Variants in TMEM165 observed in about 807,000 individuals in gnomAD.
TMEM165 encodes the protein transmembrane protein 165.
Under a neutral mutation model 30.0 loss-of-function variants are expected in TMEM165, and 19 were observed. The observed-to-expected ratio is 0.63, with a 90% CI of 0.44 to 0.93. The LOEUF (loss-of-function observed/expected upper bound fraction) is 0.93, where lower values mean the gene tolerates loss of function less well. TMEM165 is among the 40% of genes least tolerant of loss of function. TMEM165 has a pLI of 0.00. For synonymous variants in TMEM165, 168 were observed against 162.9 expected, an observed-to-expected ratio of 1.03 and a Z score of -0.24; for missense variants, 340 against 417.0, an observed-to-expected ratio of 0.82 and a Z score of 1.61.
At chr4:55,448,819 G>A in intron 3 of TMEM165, 1 of 1,613,988 alleles carries the variant, frequency 6.2e-7, no homozygotes, top group Admixed American at 1.7e-5. Context: ...TGTAGCTTGA[G>A]ACATCACTGG....
chr4:55,407,909 T>C (rs1721335034), intron 1 of TMEM165, among the ~76,000 whole-genome samples: 1 of 152,234 alleles, frequency 6.6e-6, no homozygotes, highest in South Asian at 2.1e-4. Flanking sequence ...GTAGCCCTTA[T>C]GTTACAGATG....
At chr4:55,427,059 A>AGT (rs376100433), downstream of TMEM165, among the ~76,000 whole-genome samples, 60 of 132,200 alleles carry the variant, frequency 4.5e-4, no homozygotes, top group African/African-American at 1.5e-3. Context: ...TTTTTGAGAG[A>AGT]GTCTCACTCT....
chr4:55,407,065 G>C (rs767979584), intron 1 of TMEM165, among the ~76,000 whole-genome samples: 1 of 152,202 alleles, frequency 6.6e-6, no homozygotes, highest in Non-Finnish European at 1.5e-5. Flanking sequence ...ACTTTTTTCT[G>C]TAATAGGCCT....
At chr4:55,448,599 CGCGTGTGTGTGT>C (rs71194566) in intron 3 of TMEM165, among the ~76,000 whole-genome samples, 6,054 of 105,620 alleles carry the variant, frequency 0.057, 182 homozygotes, top group Middle Eastern at 0.083. Flanking sequence ...CGCGCACGCG[CGCGTGTGTGTGT>C]GTGTGTGTGT....
chr4:55,435,734 A>G, intron 3 of TMEM165: 6 of 876,484 alleles, frequency 6.8e-6, no homozygotes, highest in Non-Finnish European at 5.5e-6. Context: ...TCTCTGGTTT[A>G]AAAATTCTAA....
At chr4:55,449,984 A>C (rs1302322847) in intron 3 of TMEM165, 14 of 1,360,258 alleles carry the variant, frequency 1.0e-5, no homozygotes. Flanking sequence ...CAGAAATGTA[A>C]AAACTTATAA....
chr4:55,418,073 C>A (rs1348723179), intron 4 of TMEM165, 88 bp downstream of exon 4: 6 of 1,221,758 alleles, frequency 4.9e-6, no homozygotes, highest in Non-Finnish European at 1.1e-6. Context: ...CTGAAGTGGG[C>A]CACAGCATTC....
chr4:55,448,599 CGCGTGTGTGTGTGTGTGT>C (rs759472540), intron 3 of TMEM165, among the ~76,000 whole-genome samples: 34 of 105,666 alleles, frequency 3.2e-4, no homozygotes, highest in African/African-American at 1.1e-3. Flanking sequence ...CGCGCACGCG[CGCGTGTGTGTGTGTGTGT>C]GTGTGTGTGT....
chr4:55,436,434 CTGTTCATTAA>C (rs1381459094), intron 3 of TMEM165, among the ~76,000 whole-genome samples: 1 of 152,146 alleles, frequency 6.6e-6, no homozygotes, highest in African/African-American at 2.4e-5. Flanking sequence ...TTCTGACATG[CTGTTCATTAA>C]TGTAAAACTC....
Position 55,417,208 on chromosome 4 carries a change from G to A in TMEM165, c.570G>A (p.Leu190=), listed in dbSNP as rs1273858763. The part of the protein sequence containing the change: ...KMSPDEGQEE[L]EEVQAELKKK... ...GCCCTGATGAGGGTCAAGAGGAACT[G>A]GAAGAAGTTCAAGCTGAATTAAAGA... is the stretch of plus-strand genomic sequence containing the variant. Residue 190 remains leucine (L), a synonymous_variant, in exon 3 of 6, where the codon CTG becomes CTA. Coordinates refer to ENST00000381334, the MANE Select transcript of TMEM165 (RefSeq NM_018475.5). 21 of 1,612,794 alleles carry A rather than the reference G, an allele frequency of 1.3e-5. No individual in the cohort carries two copies. The highest frequency in any genetic ancestry group is 1.8e-5 in the Non-Finnish European group (21 of 1,179,792).
chr4:55,404,051 T>A (rs1337881931), intron 1 of TMEM165, among the ~76,000 whole-genome samples: 1 of 150,784 alleles, frequency 6.6e-6, no homozygotes, highest in Non-Finnish European at 1.5e-5. Context: ...TTTCCTTTTT[T>A]TTTTTTTTTT....
intron 3 of TMEM165, among the ~76,000 whole-genome samples, chr4:55,436,072 C>T (rs536187617): frequency 1.3e-5 from 2 of 152,270 alleles, no homozygotes; most frequent in African/African-American, 4.8e-5. Context: ...CAAACTTGGG[C>T]TGCCCTACTT....
intron 1 of TMEM165, among the ~76,000 whole-genome samples, chr4:55,405,722 G>A (rs1345354608): frequency 2.6e-5 from 4 of 151,950 alleles, no homozygotes; most frequent in African/African-American, 9.7e-5. Flanking sequence ...TCTTAACACG[G>A]GTTTCATGCA....
chr4:55,402,857 T>C (rs1362876313), intron 1 of TMEM165, among the ~76,000 whole-genome samples: 1 of 131,090 alleles, frequency 7.6e-6, no homozygotes, highest in Non-Finnish European at 1.5e-5. Flanking sequence ...AGTGGCGTGA[T>C]CTCGGCTCAC....
At chr4:55,417,000 T>C in intron 2 of TMEM165, 72 bp from the exon 3 acceptor site, 3 of 1,336,262 alleles carry the variant, frequency 2.2e-6, no homozygotes, top group Non-Finnish European at 3.1e-6. Flanking sequence ...TAAATTATTA[T>C]TTCCGAAGTT....
At position 55,425,508 on chromosome 4, in the gene TMEM165, CAT is replaced by C; in HGVS notation, c.*58_*59del. 2.3e-6 allele frequency: 3 copies of C among 1,330,978 alleles called. No individual in the cohort carries two copies. Among genetic ancestry groups the C allele is most frequent in the African/African-American group, 1.5e-5 (1 of 68,852 alleles). The allele number at this position is 1,330,978 out of a possible 1,614,324, so 82.4% of individuals were successfully genotyped here. A position where few individuals can be genotyped will look rare whatever the true frequency, so the allele number is the denominator to read the frequency against. On this transcript the variant is annotated 3_prime_UTR_variant, in exon 6 of 6. Transcript: ENST00000381334. ...AAATAGGTAGTATTATCTTTCTGTACATAGTGTACATTACAACTAAAAGTGAT... is the reference window on the plus strand; with the variant it reads ...AAATAGGTAGTATTATCTTTCTGTACAGTGTACATTACAACTAAAAGTGAT...
intron 3 of TMEM165, 59 bp downstream of exon 3, chr4:55,417,306 T>C (rs143218343): frequency 1.3e-6 from 2 of 1,513,560 alleles, no homozygotes; most frequent in African/African-American, 1.4e-5. Context: ...ATAAACACTC[T>C]ACAGAGGTTT....
intron 3 of TMEM165, among the ~76,000 whole-genome samples, chr4:55,436,697 GTTA>G (rs1722900485): frequency 1.3e-5 from 2 of 152,196 alleles, no homozygotes; most frequent in Middle Eastern, 3.4e-3. Context: ...TTCTCTCTTT[GTTA>G]TTAGGAAAAG....
At chr4:55,405,377 C>A (rs1017836733) in intron 1 of TMEM165, among the ~76,000 whole-genome samples, 2 of 152,114 alleles carry the variant, frequency 1.3e-5, no homozygotes, top group Non-Finnish European at 2.9e-5. Context: ...ATTGAGGACA[C>A]GAAGGCTGTC....
Sources: allele counts gnomAD v4.1 joint callset (sites outside exome capture counted in the v4.1 genomes callset), GRCh38; gene constraint gnomAD v4.1.1; transcripts MANE v1.5; gene names NCBI Gene and HGNC (gene_info 2026-07-23, HGNC 2026-07-21).